The following DGUOK variants were observed in gnomAD, a reference collection of about 807,000 sequenced individuals.
DGUOK encodes the protein deoxyguanosine kinase.
Under a neutral mutation model 36.6 loss-of-function variants are expected in DGUOK, and 30 were observed. That is an observed-to-expected ratio of 0.82 (90% confidence interval 0.61 to 1.11). The LOEUF is 1.11. DGUOK is among the 50% of genes most tolerant of loss of function. The pLI, the probability that DGUOK is intolerant of heterozygous loss-of-function variation, is 0.00. For synonymous variants in DGUOK, 145 were observed against 126.3 expected (o/e 1.15, Z -0.99); for missense variants, 361 against 336.4 (o/e 1.07, Z -0.57).
Position 73,927,186 on chromosome 2 carries a change from TCCC to T in DGUOK, c.142+136_142+138del. The stretch of plus-strand genomic sequence containing the variant: ...TTTTCTGGGCTGCGAGGAGAGCCTT[TCCC>T]CTCGCAAAGTGCACTGTGTATCTTT... On this transcript the variant is annotated intron_variant, in intron 1 of 6. Coordinates refer to ENST00000264093, the MANE Select transcript of DGUOK (RefSeq NM_080916.3). 3 of 1,256,862 alleles carry T rather than the reference TCCC, an allele frequency of 2.4e-6. No homozygotes were observed. The South Asian group carries it at 3.9e-5, about 17-fold the overall frequency. The allele number at this position is 1,256,862 out of a possible 1,614,324, so 77.9% of individuals were successfully genotyped here.
intron 3 of DGUOK, among the ~76,000 whole-genome samples, chr2:73,948,785 C>T (rs1682512138): frequency 6.6e-6 from 1 of 152,186 alleles, no homozygotes; most frequent in Non-Finnish European, 1.5e-5. Context: ...TGTCCTGCAG[C>T]CCCTGCATTC....
intron 2 of DGUOK, among the ~76,000 whole-genome samples, chr2:73,945,726 G>A (rs1468688624): frequency 6.6e-6 from 1 of 152,192 alleles, no homozygotes; most frequent in Non-Finnish European, 1.5e-5. Flanking sequence ...ATTCACTTTT[G>A]CATTGTTGAG....
intron 6 of DGUOK, among the ~76,000 whole-genome samples, chr2:73,958,460 CAT>C (rs1388729994): frequency 6.6e-6 from 1 of 152,158 alleles, no homozygotes; most frequent in African/African-American, 2.4e-5. Context: ...TGACTTGTAA[CAT>C]GTGCTTGCCA....
At chr2:73,953,306 TCGTC>T (rs1682839536) in intron 4 of DGUOK, among the ~76,000 whole-genome samples, 1 of 148,798 alleles carries the variant, frequency 6.7e-6, no homozygotes, top group Non-Finnish European at 1.5e-5. Context: ...GTCGTCGTCG[TCGTC>T]GTCGTCACTT....
intron 4 of DGUOK, among the ~76,000 whole-genome samples, chr2:73,952,757 G>A (rs1297558393): frequency 1.3e-5 from 2 of 152,198 alleles, no homozygotes; most frequent in Non-Finnish European, 2.9e-5. Flanking sequence ...GGGGCTACTT[G>A]GGCCAGCTGA....
At chr2:73,935,039 G>C (rs1310892813) in intron 1 of DGUOK, among the ~76,000 whole-genome samples, 1 of 152,244 alleles carries the variant, frequency 6.6e-6, no homozygotes, top group African/African-American at 2.4e-5. Flanking sequence ...TTGTGCCACT[G>C]CACTCCAGCC....
At chr2:73,932,474 A>C in intron 1 of DGUOK, 2 of 464,194 alleles carry the variant, frequency 4.3e-6, no homozygotes. Context: ...CAGTGTACTC[A>C]GTACTGACCA....
In DGUOK at chr2:73,957,118, CT is replaced by C; in HGVS notation, c.592-3del. The C allele has an allele frequency of 1.2e-6, 2 of 1,610,172 alleles. No homozygotes were observed. Among genetic ancestry groups the C allele is most frequent in the Non-Finnish European group, 1.7e-6 (2 of 1,176,628 alleles). On this transcript the variant is annotated splice_region_variant and splice_polypyrimidine_tract_variant and intron_variant, in intron 4 of 6. Transcript: ENST00000264093. Reference sequence around the variant, plus strand: ...GAGCTCATCAGGGCTTGGGGACTGTCTTTTAGGTTTGTTTGAAGAGACTGTA... The same window carrying C: ...GAGCTCATCAGGGCTTGGGGACTGTCTTTAGGTTTGTTTGAAGAGACTGTA...
intron 4 of DGUOK, among the ~76,000 whole-genome samples, chr2:73,954,647 G>T (rs1682957407): frequency 1.3e-5 from 2 of 152,074 alleles, no homozygotes; most frequent in African/African-American, 4.8e-5. Flanking sequence ...GCCCTACCTG[G>T]GACTGGCACA....
rs368995530 is a variant in DGUOK at position 73,946,807 on chromosome 2, T to C, written c.344T>C (p.Phe115Ser). 2.5e-6 allele frequency: 4 copies of C among 1,613,950 alleles called. No homozygotes were observed. The African/African-American group carries it at 5.3e-5, about 22-fold the overall frequency. ...TCCTACACATTCCAGACATTTTCCT[T>C]TTTGAGCCGCCTGAAAGTACAGCTG... is the stretch of plus-strand genomic sequence containing the variant. ...RWSYTFQTFS[F>S]LSRLKVQLEP... is the part of the protein sequence containing the mutation. The change falls in exon 3 of 7, where the codon TTT becomes TCT. Residue 115 changes from phenylalanine (F) to serine (S), a missense_variant. Physicochemically the swap from Phe to Ser is radical, Grantham distance 155 (BLOSUM62 -2). Coordinates refer to ENST00000264093, the MANE Select transcript of DGUOK (RefSeq NM_080916.3).
At chr2:73,953,110 C>T (rs977755146) in intron 4 of DGUOK, among the ~76,000 whole-genome samples, 4 of 152,022 alleles carry the variant, frequency 2.6e-5, no homozygotes, top group African/African-American at 4.8e-5. Flanking sequence ...CTCATTCCGG[C>T]GAGAATTAAC....
intron 6 of DGUOK, 34 bp downstream of exon 6, chr2:73,958,279 T>C (rs2105009956): frequency 6.5e-7 from 1 of 1,538,740 alleles, no homozygotes; most frequent in South Asian, 1.1e-5. Flanking sequence ...TTTCTGGTGG[T>C]TTCCTTTGTT....
At chr2:73,942,406 T>C (rs958958578) in intron 2 of DGUOK, among the ~76,000 whole-genome samples, 1 of 152,184 alleles carries the variant, frequency 6.6e-6, no homozygotes, top group African/African-American at 2.4e-5. Context: ...CTTTACAAGT[T>C]ATAAGACTTT....
intron 2 of DGUOK, among the ~76,000 whole-genome samples, chr2:73,943,818 T>C (rs1013539036): frequency 1.2e-4 from 19 of 152,096 alleles, no homozygotes; most frequent in African/African-American, 4.6e-4. Flanking sequence ...CGGCTAATTT[T>C]GTATTTTTAG....
At chr2:73,957,048 C>T (rs929088077) in intron 4 of DGUOK, 77 bp from the exon 5 acceptor site, 1 of 966,378 alleles carries the variant, frequency 1.0e-6, no homozygotes, top group Admixed American at 1.8e-5. Context: ...TATGGGTGGG[C>T]CTCAGAGCCC....
rs541444609 is a variant in DGUOK at position 73,928,153 on chromosome 2, G to A, written c.142+1101G>A. On this transcript the variant is annotated intron_variant, in intron 1 of 6. Coordinates refer to ENST00000264093, the MANE Select transcript of DGUOK (RefSeq NM_080916.3). ...TTTATTTTATTTTATTTGAGATGGA[G>A]TTTTGCTCTTGTTACCCAGGCTGGA... is the stretch of plus-strand genomic sequence containing the variant. 2.0e-5 allele frequency among the ~76,000 whole-genome samples: 3 copies of A among 152,216 alleles called. No individual in the cohort carries two copies. In the East Asian group the frequency reaches 5.8e-4, roughly 29 times the overall value.
chr2:73,940,130 G>A (rs1681795565), intron 2 of DGUOK, among the ~76,000 whole-genome samples: 1 of 152,046 alleles, frequency 6.6e-6, no homozygotes. Flanking sequence ...TCAAACTCCT[G>A]GGCTCAAGTG....
intron 1 of DGUOK, among the ~76,000 whole-genome samples, chr2:73,927,601 A>G (rs1185971361): frequency 6.6e-6 from 1 of 152,218 alleles, no homozygotes; most frequent in African/African-American, 2.4e-5. Flanking sequence ...TTCAAATACC[A>G]CATTCACAAT....
At chr2:73,934,463 G>A (rs1017005022) in intron 1 of DGUOK, among the ~76,000 whole-genome samples, 1 of 152,132 alleles carries the variant, frequency 6.6e-6, no homozygotes, top group African/African-American at 2.4e-5. Flanking sequence ...AGAGTATATT[G>A]AAAGACAGGC....
Sources: gnomAD v4.1 joint callset for allele counts (sites outside exome capture counted in the v4.1 genomes callset) on GRCh38, gnomAD v4.1.1 for gene constraint, MANE v1.5 for transcripts, NCBI Gene and HGNC (gene_info 2026-07-23, HGNC 2026-07-21) for gene names.